TENM3: variants seen among roughly 807,000 people sequenced by gnomAD.
TENM3 encodes the protein teneurin-3.
A neutral mutation model predicts 255.1 loss-of-function variants in TENM3; 63 were observed. The observed-to-expected ratio is 0.25, with a 90% confidence interval of 0.20 to 0.30. The LOEUF is 0.30. Among genes scored for constraint, TENM3 ranks in the 10% least tolerant of loss-of-function variants. The pLI, the probability that TENM3 is intolerant of heterozygous loss-of-function variation, is 1.00. For synonymous variants in TENM3, 1,306 were observed against 1,322.3 expected, an observed-to-expected ratio of 0.99 and a Z score of 0.27; for missense variants, 2,929 against 3,461.1, an observed-to-expected ratio of 0.85 and a Z score of 3.86.
the TENM3 span, among the ~76,000 whole-genome samples, chr4:182,005,446 G>A: frequency 1.3e-5 from 2 of 152,184 alleles, no homozygotes; most frequent in Non-Finnish European, 2.9e-5. Context: ...TTTGGTACCA[G>A]TACCATACTG....
chr4:182,747,055 C>G (rs938461011), intron 19 of TENM3, among the ~76,000 whole-genome samples: 1 of 152,134 alleles, frequency 6.6e-6, no homozygotes, highest in African/African-American at 2.4e-5. Flanking sequence ...AAGATCCTTC[C>G]TGGCGTGCTC....
intron 24 of TENM3, among the ~76,000 whole-genome samples, chr4:182,783,008 C>G (rs1765303362): frequency 6.6e-6 from 1 of 150,764 alleles, no homozygotes; most frequent in Non-Finnish European, 1.5e-5. Flanking sequence ...ACTCTTTATC[C>G]AATTTGCCAG....
At chr4:181,981,361 G>C in the TENM3 span, among the ~76,000 whole-genome samples, 1 of 152,050 alleles carries the variant, frequency 6.6e-6, no homozygotes, top group Non-Finnish European at 1.5e-5. Flanking sequence ...TAGGTTCAGA[G>C]GAGGGACTTG....
At chr4:182,671,602 G>A (rs1317498262) in intron 6 of TENM3, among the ~76,000 whole-genome samples, 1 of 152,152 alleles carries the variant, frequency 6.6e-6, no homozygotes, top group African/African-American at 2.4e-5. Flanking sequence ...ATTACTACTT[G>A]ATAGCAGAAG....
At chr4:182,447,549 T>C (rs565204628) in intron 3 of TENM3, among the ~76,000 whole-genome samples, 384 of 152,234 alleles carry the variant, frequency 2.5e-3, no homozygotes, top group African/African-American at 8.6e-3. Context: ...GGAAAGACCG[T>C]GGGGGAAGAG....
chr4:182,373,186 T>C (rs896813853), intron 3 of TENM3, among the ~76,000 whole-genome samples: 1 of 152,232 alleles, frequency 6.6e-6, no homozygotes, highest in African/African-American at 2.4e-5. Context: ...GAAGTTTTAT[T>C]TTTCTTTGCC....
At chr4:181,702,691 T>C in the TENM3 span, among the ~76,000 whole-genome samples, 23 of 152,306 alleles carry the variant, frequency 1.5e-4, no homozygotes, top group South Asian at 4.6e-3. Context: ...TGTAAACATA[T>C]AAAAACATAT....
At chr4:182,571,201 T>A (rs887169346) in intron 3 of TENM3, among the ~76,000 whole-genome samples, 1 of 152,134 alleles carries the variant, frequency 6.6e-6, no homozygotes, top group Non-Finnish European at 1.5e-5. Context: ...CATGAGGACA[T>A]GCCCTGTTCA....
At chr4:181,909,361 C>T in the TENM3 span, among the ~76,000 whole-genome samples, 2 of 152,136 alleles carry the variant, frequency 1.3e-5, no homozygotes, top group African/African-American at 4.8e-5. Context: ...GGGTCTATTC[C>T]CCACATCTTG....
At chr4:181,623,465 T>C in the TENM3 span, among the ~76,000 whole-genome samples, 1 of 152,206 alleles carries the variant, frequency 6.6e-6, no homozygotes, top group African/African-American at 2.4e-5. Flanking sequence ...TTAGGCTAAC[T>C]TTTGCCTGTG....
chr4:181,938,531 G>A, the TENM3 span, among the ~76,000 whole-genome samples: 1 of 152,166 alleles, frequency 6.6e-6, no homozygotes, highest in South Asian at 2.1e-4. Flanking sequence ...CTGTTAAAGT[G>A]ACAGTATCAC....
the TENM3 span, among the ~76,000 whole-genome samples, chr4:182,100,792 TATAC>T: frequency 2.0e-4 from 1 of 5,052 alleles, no homozygotes; most frequent in Non-Finnish European, 1.3e-3. Flanking sequence ...TACACATATA[TATAC>T]ACATATATAT....
chr4:181,566,096 C>T, the TENM3 span, among the ~76,000 whole-genome samples: 7 of 16,538 alleles, frequency 4.2e-4, no homozygotes, highest in South Asian at 8.6e-3. Flanking sequence ...AGATGTTTGG[C>T]GAAGAAAAAA....
chr4:181,522,265 A>G, the TENM3 span, among the ~76,000 whole-genome samples: 1 of 152,204 alleles, frequency 6.6e-6, no homozygotes. Flanking sequence ...TTCAAAAATC[A>G]TAACAGTACT....
the TENM3 span, among the ~76,000 whole-genome samples, chr4:181,933,995 A>T: frequency 6.6e-6 from 1 of 151,730 alleles, no homozygotes; most frequent in African/African-American, 2.4e-5. Flanking sequence ...TGTCTCTATT[A>T]TTTCTAGAAA....
intron 1 of TENM3, among the ~76,000 whole-genome samples, chr4:182,309,722 A>C (rs545201799): frequency 6.6e-6 from 1 of 152,332 alleles, no homozygotes; most frequent in Non-Finnish European, 1.5e-5. Flanking sequence ...ATTTCGTAAC[A>C]GAGGTATAAT....
At chr4:182,671,841 T>A (rs1276775120) in intron 6 of TENM3, among the ~76,000 whole-genome samples, 6 of 152,036 alleles carry the variant, frequency 3.9e-5, no homozygotes, top group Non-Finnish European at 5.9e-5. Context: ...CAGTTTAATA[T>A]TTTTTTTAAA....
rs572128029 is a variant in TENM3 at position 182,801,456 on chromosome 4, G to T, written c.*1105G>T. 1 of 152,278 alleles carries T rather than the reference G, an allele frequency of 6.6e-6. No homozygotes were observed. Among genetic ancestry groups the T allele is most frequent in the South Asian group, 2.1e-4 (1 of 4,810 alleles). The allele number at this position is 152,278 out of a possible 1,614,324, so 9.4% of individuals were successfully genotyped here. On this transcript the variant is annotated 3_prime_UTR_variant, in exon 28 of 28. Coordinates refer to ENST00000511685, the MANE Select transcript of TENM3 (RefSeq NM_001080477.4). ...AAGAAGATTGAAAAAACGGGAGGAA[G>T]GGTTCTCTGGCCCTCTCTCAACCTT...
chr4:181,596,600 TA>T, the TENM3 span, among the ~76,000 whole-genome samples: 25 of 151,922 alleles, frequency 1.6e-4, no homozygotes, highest in African/African-American at 6.0e-4. Context: ...TATTTGTAGC[TA>T]AAAAAAAGAA....
Sources: allele counts gnomAD v4.1 joint callset (sites outside exome capture counted in the v4.1 genomes callset), GRCh38; gene constraint gnomAD v4.1.1; transcripts MANE v1.5; gene names NCBI Gene and HGNC (gene_info 2026-07-23, HGNC 2026-07-21).